APBA1: variants seen among roughly 807,000 people sequenced by gnomAD.
The protein encoded by APBA1 is amyloid beta precursor protein binding family A member 1.
A neutral mutation model predicts 86.6 loss-of-function variants in APBA1; 55 were observed. The observed-to-expected ratio is 0.64, with a 90% CI of 0.51 to 0.80. APBA1 has a LOEUF of 0.80. Among genes scored for constraint, APBA1 ranks in the 30% least tolerant of loss-of-function variants. The pLI is 0.00. For missense variants in APBA1, 1,090 were observed against 1,183.0 expected, an observed-to-expected ratio of 0.92 and a Z score of 1.15; for synonymous variants, 511 against 493.9, an observed-to-expected ratio of 1.03 and a Z score of -0.46.
intron 1 of APBA1, among the ~76,000 whole-genome samples, chr9:69,642,800 A>C (rs1823314548): frequency 6.6e-6 from 1 of 151,866 alleles, no homozygotes. Flanking sequence ...AGGCATTACG[A>C]GAACAGACTG....
At chr9:69,655,137 C>G (rs1234332665) in intron 1 of APBA1, among the ~76,000 whole-genome samples, 1 of 152,132 alleles carries the variant, frequency 6.6e-6, no homozygotes, top group African/African-American at 2.4e-5. Context: ...AGCTTCTCCT[C>G]TAAGATCTGG....
In APBA1 at chr9:69,586,871, A is replaced by T. The variant is rs374064915; in HGVS notation, c.-69-69592T>A. On this transcript the variant is annotated intron_variant, in intron 1 of 12. Transcript: ENST00000265381. ...AATGAAGCCACTTAGCTCTCTCCTT[A>T]GTCAACAAAAAAATTCAGCCTAAAG... 3.2e-3 allele frequency among the ~76,000 whole-genome samples: 492 copies of T among 152,350 alleles called. 1 individual carries two copies. Among genetic ancestry groups the T allele is most frequent in the South Asian group, 0.013 (65 of 4,830 alleles).
intron 1 of APBA1, among the ~76,000 whole-genome samples, chr9:69,597,097 A>G (rs1402981823): frequency 6.6e-6 from 1 of 152,228 alleles, no homozygotes; most frequent in Non-Finnish European, 1.5e-5. Flanking sequence ...GACATGGGTA[A>G]AAGTTTTAAA....
chr9:69,456,357 G>A lies in APBA1; in HGVS notation c.1678C>T (p.Arg560Cys), dbSNP rs766705353. 1.9e-5 allele frequency: 31 copies of A among 1,613,936 alleles called. No individual in the cohort carries two copies. Among genetic ancestry groups the A allele is most frequent in the Admixed American group, 3.3e-5 (2 of 59,990 alleles). Reference sequence around the variant, plus strand: ...GAGTTGGAGCGAGGCATCCGCCGGCGGGCCATCAGCACAACGATGTTCCCA... The same window carrying A: ...GAGTTGGAGCGAGGCATCCGCCGGCAGGCCATCAGCACAACGATGTTCCCA... Reference protein sequence around the residue: ...DIGNIVVLMARRRMPRSNSQE... With the variant: ...DIGNIVVLMACRRMPRSNSQE... Residue 560 changes from arginine to cysteine, a missense_variant, in exon 8 of 13, where the codon CGC becomes TGC. Physicochemically the swap from Arg to Cys is radical, Grantham distance 180. This residue lies in a region of APBA1 where 103 missense variants were observed against 91.9 expected (regional missense o/e 1.12). Transcript: ENST00000265381.
intron 2 of APBA1, among the ~76,000 whole-genome samples, chr9:69,499,445 T>C (rs1171083748): frequency 6.6e-6 from 1 of 152,108 alleles, no homozygotes. Context: ...TGTTCAGAAC[T>C]CTGCAAGGTG....
chr9:69,474,779 CTT>C (rs1835416575), intron 3 of APBA1, among the ~76,000 whole-genome samples: 1 of 152,166 alleles, frequency 6.6e-6, no homozygotes. Flanking sequence ...ATAAAAAATA[CTT>C]TTCCTTTGTG....
rs917541917 is a variant in APBA1 at position 69,452,058 on chromosome 9, C to A, written c.1968+64G>T. The A allele has an allele frequency of 2.7e-6, 4 of 1,488,048 alleles. No individual in the cohort carries two copies. In the Admixed American group the frequency reaches 7.0e-5, roughly 26 times the overall value. 92.2% of individuals were successfully genotyped at this position (1,488,048 alleles called of 1,614,324 possible). ...CTCCCTTCACTTCCGCGGCAGGGTG[C>A]CCCACTTTCCAAGCCCCTGCCCAGC... On this transcript the variant is annotated intron_variant, in intron 9 of 12. Coordinates refer to ENST00000265381, the MANE Select transcript of APBA1 (RefSeq NM_001163.4).
At chr9:69,605,256 C>T (rs1304032185) in intron 1 of APBA1, among the ~76,000 whole-genome samples, 1 of 151,772 alleles carries the variant, frequency 6.6e-6, no homozygotes, top group Non-Finnish European at 1.5e-5. Flanking sequence ...ATGGTACTAA[C>T]CTCCTTTACA....
At chr9:69,654,326 G>A (rs1823565603) in intron 1 of APBA1, among the ~76,000 whole-genome samples, 1 of 152,032 alleles carries the variant, frequency 6.6e-6, no homozygotes, top group East Asian at 1.9e-4. Context: ...AAGATCAGGT[G>A]CGGTGGCTCA....
At chr9:69,557,600 G>A (rs1255427779) in intron 1 of APBA1, among the ~76,000 whole-genome samples, 1 of 152,176 alleles carries the variant, frequency 6.6e-6, no homozygotes, top group Non-Finnish European at 1.5e-5. Context: ...ATCAATGAGT[G>A]GTCGAAAGGT....
chr9:69,655,907 C>T lies in APBA1; in HGVS notation c.-70+16246G>A, dbSNP rs115998228. Among the ~76,000 whole-genome samples the T allele has an allele frequency of 8.9e-3, 1,355 of 152,204 alleles. 10 individuals carry two copies. The highest frequency in any genetic ancestry group is 0.021 in the African/African-American group (854 of 41,532). ...TAGAAAAGAGGATCTTGAAAGTTAT[C>T]GCCACAAAGAAATCATAAAAGTTTC... On this transcript the variant is annotated intron_variant, in intron 1 of 12. Transcript: ENST00000265381.
At chr9:69,666,383 G>A (rs1011604642) in intron 1 of APBA1, among the ~76,000 whole-genome samples, 1 of 151,764 alleles carries the variant, frequency 6.6e-6, no homozygotes, top group East Asian at 1.9e-4. Flanking sequence ...ATAAACTAAT[G>A]TCACCCCCCA....
At chr9:69,498,723 T>C (rs1276833934) in intron 2 of APBA1, among the ~76,000 whole-genome samples, 1 of 152,150 alleles carries the variant, frequency 6.6e-6, no homozygotes, top group Non-Finnish European at 1.5e-5. Flanking sequence ...AATTGTAAGA[T>C]GCACTTTCAA....
At chr9:69,613,983 C>A (rs139523646) in intron 1 of APBA1, among the ~76,000 whole-genome samples, 8 of 151,998 alleles carry the variant, frequency 5.3e-5, no homozygotes, top group Non-Finnish European at 1.2e-4. Flanking sequence ...TGACCTAAGA[C>A]GTAAAGATTT....
At chr9:69,624,282 T>C (rs949772546) in intron 1 of APBA1, among the ~76,000 whole-genome samples, 2 of 152,218 alleles carry the variant, frequency 1.3e-5, no homozygotes, top group African/African-American at 2.4e-5. Context: ...TAAAACATCC[T>C]ACACACTTAC....
At position 69,564,400 on chromosome 9, in the gene APBA1, C is replaced by T. The variant is rs187337013; in HGVS notation, c.-69-47121G>A. Among the ~76,000 whole-genome samples, 241 of 152,292 alleles carry T rather than the reference C, an allele frequency of 1.6e-3. 1 individual carries two copies. The highest frequency in any genetic ancestry group is 4.7e-3 in the African/African-American group (195 of 41,562). Reference sequence around the variant, plus strand: ...CTCTGAATTATAAAAGGCCCACTTTCGCCTCATTTTCACAGGTTATTTTCA... The same window carrying T: ...CTCTGAATTATAAAAGGCCCACTTTTGCCTCATTTTCACAGGTTATTTTCA... On this transcript the variant is annotated intron_variant, in intron 1 of 12. Coordinates refer to ENST00000265381, the MANE Select transcript of APBA1 (RefSeq NM_001163.4).
At chr9:69,440,415 C>G (rs1017912453) in intron 11 of APBA1, among the ~76,000 whole-genome samples, 2 of 151,776 alleles carry the variant, frequency 1.3e-5, no homozygotes, top group Admixed American at 6.5e-5. Flanking sequence ...CCTCCTTGAG[C>G]TGTAGTGGGC....
chr9:69,540,122 G>GCAACAACAGCAA (rs1836580359), intron 1 of APBA1, among the ~76,000 whole-genome samples: 1 of 148,468 alleles, frequency 6.7e-6, no homozygotes. Context: ...CTCCATCTCG[G>GCAACAACAGCAA]CAACAACAAC....
At chr9:69,662,628 G>A (rs1823773899) in intron 1 of APBA1, among the ~76,000 whole-genome samples, 2 of 152,288 alleles carry the variant, frequency 1.3e-5, no homozygotes, top group South Asian at 4.1e-4. Flanking sequence ...AGGGAAGTGG[G>A]CGTAGAAACT....
Sources: allele counts gnomAD v4.1 joint callset (sites outside exome capture counted in the v4.1 genomes callset), GRCh38; gene constraint gnomAD v4.1.1; regional missense constraint gnomAD v4.1.1; transcripts MANE v1.5; gene names NCBI Gene and HGNC (gene_info 2026-07-23, HGNC 2026-07-21).